The following SPIRE1 variants were observed in gnomAD, a reference collection of about 807,000 sequenced individuals.
SPIRE1 encodes protein spire homolog 1.
In SPIRE1, 40 loss-of-function variants were observed where a neutral mutation model predicts 94.1. That is an observed-to-expected ratio of 0.43 (90% CI 0.33 to 0.55). The LOEUF is 0.55. SPIRE1 is among the 20% of genes least tolerant of loss of function. SPIRE1 has a pLI of 0.06. For missense variants in SPIRE1, 838 were observed against 975.2 expected, an observed-to-expected ratio of 0.86 and a Z score of 1.87; for synonymous variants, 376 against 371.7, an observed-to-expected ratio of 1.01 and a Z score of -0.13.
intron 8 of SPIRE1, among the ~76,000 whole-genome samples, chr18:12,491,935 A>T (rs771786771): frequency 6.6e-6 from 1 of 152,214 alleles, no homozygotes; most frequent in Non-Finnish European, 1.5e-5. Context: ...ATCGGGTAAG[A>T]GTCAAAGATT....
chr18:12,606,354 G>A (rs115874104), intron 2 of SPIRE1, among the ~76,000 whole-genome samples: 1,433 of 101,780 alleles, frequency 0.014, 29 homozygotes, highest in African/African-American at 0.037. Flanking sequence ...AAAGAATAAA[G>A]ACAGAAGAAA....
intron 10 of SPIRE1, 104 bp downstream of exon 10, chr18:12,479,595 G>A (rs1261876030): frequency 9.3e-7 from 1 of 1,071,826 alleles, no homozygotes; most frequent in African/African-American, 1.6e-5. Context: ...TTGAAAAATG[G>A]GAAGAGATTA....
intron 2 of SPIRE1, among the ~76,000 whole-genome samples, chr18:12,617,004 C>T (rs535174448): frequency 1.2e-4 from 18 of 151,550 alleles, no homozygotes; most frequent in African/African-American, 2.4e-4. Flanking sequence ...GGATTACAGG[C>T]GCCCACCACC....
At chr18:12,616,445 C>A (rs148435540) in intron 2 of SPIRE1, among the ~76,000 whole-genome samples, 64 of 152,222 alleles carry the variant, frequency 4.2e-4, no homozygotes, top group African/African-American at 1.5e-3. Flanking sequence ...GGTGATGTGA[C>A]CAGGCACAGG....
At chr18:12,591,437 G>C (rs555988262) in intron 2 of SPIRE1, among the ~76,000 whole-genome samples, 4 of 152,304 alleles carry the variant, frequency 2.6e-5, no homozygotes, top group East Asian at 3.9e-4. Flanking sequence ...CTGAAGAAGA[G>C]GGGGAGCCAC....
intron 2 of SPIRE1, among the ~76,000 whole-genome samples, chr18:12,618,506 A>G (rs945939617): frequency 7.2e-5 from 11 of 152,144 alleles, no homozygotes; most frequent in African/African-American, 2.7e-4. Context: ...GTCAAATGAA[A>G]CCTCTAGAAA....
chr18:12,609,548 T>C (rs1252363105), intron 2 of SPIRE1, among the ~76,000 whole-genome samples: 1 of 152,172 alleles, frequency 6.6e-6, no homozygotes, highest in African/African-American at 2.4e-5. Flanking sequence ...CTGGCTTCAG[T>C]CTTCTCTTGC....
chr18:12,602,982 G>A (rs946864299), intron 2 of SPIRE1, among the ~76,000 whole-genome samples: 1 of 152,088 alleles, frequency 6.6e-6, no homozygotes, highest in Non-Finnish European at 1.5e-5. Context: ...TTATGATGGA[G>A]TTACATCCTG....
At chr18:12,490,829 A>C (rs910522618) in intron 8 of SPIRE1, among the ~76,000 whole-genome samples, 21 of 152,228 alleles carry the variant, frequency 1.4e-4, no homozygotes, top group Non-Finnish European at 2.6e-4. Context: ...AGCTAACATC[A>C]TACTCAATAA....
At position 12,607,652 on chromosome 18, in the gene SPIRE1, T is replaced by A. The variant is rs1478965428; in HGVS notation, c.372+27410A>T. Among the ~76,000 whole-genome samples, 3 of 151,154 alleles carry A rather than the reference T, an allele frequency of 2.0e-5. No individual in the cohort carries two copies. The South Asian group carries it at 6.3e-4, about 32-fold the overall frequency. On this transcript the variant is annotated intron_variant, in intron 2 of 16. Transcript: ENST00000409402. ...ACACACACACACACAGTCTCTTGTT[T>A]TCTTATTACAAAAGCAAGTCACATT...
intron 2 of SPIRE1, among the ~76,000 whole-genome samples, chr18:12,549,438 T>A (rs2035275274): frequency 8.1e-6 from 1 of 123,288 alleles, no homozygotes; most frequent in Non-Finnish European, 1.7e-5. Flanking sequence ...TTGTTATTGT[T>A]GTTTTTTTTT....
chr18:12,583,565 G>A (rs899497963), intron 2 of SPIRE1, among the ~76,000 whole-genome samples: 6 of 152,022 alleles, frequency 3.9e-5, no homozygotes, highest in Admixed American at 2.0e-4. Context: ...TCGTGCCACT[G>A]CACTCCAGCC....
At chr18:12,470,611 G>C (rs2032317848) in intron 10 of SPIRE1, among the ~76,000 whole-genome samples, 1 of 152,174 alleles carries the variant, frequency 6.6e-6, no homozygotes, top group Non-Finnish European at 1.5e-5. Context: ...TGAGAGAAGG[G>C]TGTGTGAGTA....
At chr18:12,633,243 T>C (rs548031570) in intron 2 of SPIRE1, among the ~76,000 whole-genome samples, 13 of 152,262 alleles carry the variant, frequency 8.5e-5, no homozygotes, top group Non-Finnish European at 1.3e-4. Flanking sequence ...TATAAAAATA[T>C]TAAGTTCTTG....
intron 2 of SPIRE1, among the ~76,000 whole-genome samples, chr18:12,603,733 C>A (rs28876145): frequency 6.6e-6 from 1 of 152,000 alleles, no homozygotes; most frequent in Non-Finnish European, 1.5e-5. Context: ...CGACACCACG[C>A]CTGGCTAATT....
At chr18:12,587,398 T>G (rs1279257336) in intron 2 of SPIRE1, among the ~76,000 whole-genome samples, 1 of 152,150 alleles carries the variant, frequency 6.6e-6, no homozygotes, top group Admixed American at 6.6e-5. Flanking sequence ...GATTCTCATA[T>G]AATTTCGAGC....
intron 2 of SPIRE1, among the ~76,000 whole-genome samples, chr18:12,576,890 C>CAAAA (rs398032016): frequency 2.8e-4 from 25 of 89,960 alleles, no homozygotes; most frequent in Non-Finnish European, 4.1e-4. Flanking sequence ...CTCTGTTTCA[C>CAAAA]AAAAAAAAAA....
chr18:12,568,571 T>A (rs1443798234), intron 2 of SPIRE1, among the ~76,000 whole-genome samples: 1 of 152,238 alleles, frequency 6.6e-6, no homozygotes, highest in African/African-American at 2.4e-5. Context: ...ATTTTTTTCT[T>A]CAGAATCTTC....
chr18:12,463,271 TATC>T lies in SPIRE1; in HGVS notation c.1638+77_1638+79del. ...TAACTTTTGCAAGTTTTTTTCTCCT[TATC>T]ATCTTCATAAGAAAGCTAATGATTC... is the stretch of plus-strand genomic sequence containing the variant. On this transcript the variant is annotated intron_variant, in intron 12 of 16. Coordinates refer to ENST00000409402, the MANE Select transcript of SPIRE1 (RefSeq NM_001128626.2). 3 of 1,372,690 alleles carry T rather than the reference TATC, an allele frequency of 2.2e-6. No individual in the cohort carries two copies. The South Asian group carries it at 5.6e-5, about 26-fold the overall frequency. 85.0% of individuals were successfully genotyped at this position (1,372,690 alleles called of 1,614,324 possible).
Sources: allele counts gnomAD v4.1 joint callset (sites outside exome capture counted in the v4.1 genomes callset), GRCh38; gene constraint gnomAD v4.1.1; transcripts MANE v1.5; gene names NCBI Gene and HGNC (gene_info 2026-07-23, HGNC 2026-07-21).